Variants in LANCL1 observed in about 807,000 individuals in gnomAD.
The protein encoded by LANCL1 is glutathione S-transferase LANCL1.
Under a neutral mutation model 50.6 loss-of-function variants are expected in LANCL1, and 50 were observed. The observed-to-expected ratio is 0.99, with a 90% confidence interval of 0.79 to 1.25. The LOEUF (loss-of-function observed/expected upper bound fraction) is 1.25. Ranked by LOEUF, LANCL1 falls within the 50% of genes most tolerant of loss-of-function variation. LANCL1 has a pLI of 0.00. For synonymous variants in LANCL1, 188 were observed against 178.6 expected, an observed-to-expected ratio of 1.05 and a Z score of -0.42; for missense variants, 532 against 480.7, an observed-to-expected ratio of 1.11 and a Z score of -1.00.
intron 5 of LANCL1, 57 bp downstream of exon 5, chr2:210,441,251 C>G: frequency 6.5e-7 from 1 of 1,538,336 alleles, no homozygotes; most frequent in Non-Finnish European, 8.9e-7. Flanking sequence ...ATAGTTTAGG[C>G]AGATAGTAAG....
At chr2:210,453,882 C>T (rs1194836926) in intron 4 of LANCL1, among the ~76,000 whole-genome samples, 8 of 151,996 alleles carry the variant, frequency 5.3e-5, no homozygotes, top group East Asian at 1.9e-4. Flanking sequence ...TCATTTTGGT[C>T]GAGCTTGGTG....
At chr2:210,477,091 C>T (rs1270659149), upstream of LANCL1, among the ~76,000 whole-genome samples, 11 of 144,732 alleles carry the variant, frequency 7.6e-5, no homozygotes, top group Non-Finnish European at 1.5e-4. Flanking sequence ...TAAAATTTGG[C>T]GGGGGGTGGG....
upstream of LANCL1, chr2:210,476,856 T>G (rs1694400371): frequency 2.0e-6 from 2 of 978,072 alleles, no homozygotes; most frequent in African/African-American, 1.8e-5. Context: ...GGCGTGTAAT[T>G]TCTAAAGGAT....
At chr2:210,471,042 ATTTTTTT>A (rs35572251) in intron 3 of LANCL1, among the ~76,000 whole-genome samples, 3 of 96,286 alleles carry the variant, frequency 3.1e-5, no homozygotes, top group Non-Finnish European at 4.1e-5. Flanking sequence ...TTCTTCTTTG[ATTTTTTT>A]TTTTTTTTTT....
chr2:210,451,457 G>A (rs1204822422), intron 4 of LANCL1, among the ~76,000 whole-genome samples: 2 of 152,046 alleles, frequency 1.3e-5, no homozygotes, highest in East Asian at 1.9e-4. Flanking sequence ...ATGTACCCCG[G>A]AACTCAAAGT....
At chr2:210,475,894 C>T (rs1417979035) in intron 2 of LANCL1, among the ~76,000 whole-genome samples, 2 of 152,092 alleles carry the variant, frequency 1.3e-5, no homozygotes, top group East Asian at 1.9e-4. Flanking sequence ...AGTTTAAAGA[C>T]GTCCTTACCA....
At chr2:210,464,972 CAAA>C (rs751226712) in intron 3 of LANCL1, among the ~76,000 whole-genome samples, 3 of 31,870 alleles carry the variant, frequency 9.4e-5, no homozygotes, top group Non-Finnish European at 1.3e-4. Context: ...GACTCCGTCT[CAAA>C]AAAAAAAAAA....
rs1692779382 is a variant in LANCL1, at chr2:210,432,485, T to A, written c.*2002A>T. On this transcript the variant is annotated 3_prime_UTR_variant, in exon 10 of 10. Coordinates refer to ENST00000450366, the MANE Select transcript of LANCL1 (RefSeq NM_006055.3). Reference sequence around the variant, plus strand: ...CCAATAATGGAACACTAGGCATAAATGGGTTAACAAGAATCTTATTTGAAA... The same window carrying A: ...CCAATAATGGAACACTAGGCATAAAAGGGTTAACAAGAATCTTATTTGAAA... 1 of 152,152 alleles carries A rather than the reference T, an allele frequency of 6.6e-6. No homozygotes were observed. Among genetic ancestry groups the A allele is most frequent in the Non-Finnish European group, 1.5e-5 (1 of 68,034 alleles). 9.4% of individuals were successfully genotyped at this position (152,152 alleles called of 1,614,324 possible).
chr2:210,455,231 T>C lies in LANCL1; in HGVS notation c.283A>G (p.Ser95Gly). The C allele has an allele frequency of 4.3e-6, 7 of 1,613,608 alleles. No homozygotes were observed. The highest frequency in any genetic ancestry group is 5.9e-6 in the Non-Finnish European group (7 of 1,179,768). The change falls in exon 4 of 10, where the codon AGT becomes GGT. Residue 95 changes from serine (S) to glycine (G), a missense_variant. Coordinates refer to ENST00000450366, the MANE Select transcript of LANCL1 (RefSeq NM_006055.3). ...LQLAHGYVKQ[S>G]LNCLTKRSIT... The stretch of plus-strand genomic sequence containing the variant: ...GAGCGCTTGGTTAAGCAGTTCAGAC[T>C]TTGCTTTACATAGCCATGTGCTAAC...
intron 4 of LANCL1, among the ~76,000 whole-genome samples, chr2:210,453,938 A>G (rs1693584236): frequency 6.6e-6 from 1 of 152,108 alleles, no homozygotes; most frequent in African/African-American, 2.4e-5. Context: ...TGGAATGTTC[A>G]GTTTTTTTCC....
In LANCL1 at chr2:210,475,600, C is replaced by G. The variant is rs1339854520; in HGVS notation, c.81+716G>C. On this transcript the variant is annotated intron_variant, in intron 2 of 9. Transcript: ENST00000450366. ...CTCCTGCCTTGATTTCCCAAAGTGT[C>G]GGGATTAATGGTGTGAGCCACTGCA... Among the ~76,000 whole-genome samples the G allele has an allele frequency of 7.9e-5, 12 of 152,200 alleles. No homozygotes were observed. The East Asian group carries it at 2.3e-3, about 29-fold the overall frequency.
rs1043487260 is a variant in LANCL1, at chr2:210,435,435, C to T, written c.1075G>A (p.Gly359Arg). 2 of 1,613,582 alleles carry T rather than the reference C, an allele frequency of 1.2e-6. No homozygotes were observed. Among genetic ancestry groups the T allele is most frequent in the Non-Finnish European group, 1.7e-6 (2 of 1,179,652 alleles). The change falls in exon 9 of 10, where the codon GGA becomes AGA. Residue 359 changes from glycine (G) to arginine (R), a missense_variant. Transcript: ENST00000450366. The part of the protein sequence containing the change: ...CKFAEWCLEY[G>R]EHGCRTPDTP... ...TCTGGTGTTCTGCATCCATGTTCTC[C>T]ATACTCTAAGCACCATTCAGCAAAC...
intron 3 of LANCL1, 22 bp downstream of exon 3, chr2:210,471,937 G>C (rs1275037797): frequency 1.1e-5 from 17 of 1,509,964 alleles, no homozygotes; most frequent in Non-Finnish European, 1.5e-5. Flanking sequence ...GCTTATGCCA[G>C]CTCACAGTCA....
intron 3 of LANCL1, among the ~76,000 whole-genome samples, chr2:210,456,160 A>AGCCTGCCT (rs1693668233): frequency 6.6e-6 from 1 of 152,126 alleles, no homozygotes; most frequent in Non-Finnish European, 1.5e-5. Flanking sequence ...TGGAGTAGGA[A>AGCCTGCCT]GCCTGCCTGC....
intron 4 of LANCL1, among the ~76,000 whole-genome samples, chr2:210,449,400 T>C (rs1401872786): frequency 6.6e-6 from 1 of 152,220 alleles, no homozygotes; most frequent in Non-Finnish European, 1.5e-5. Flanking sequence ...AATATCATAC[T>C]GAATGGGCAA....
rs772317302 is a variant in LANCL1 at position 210,436,316 on chromosome 2, T to C, written c.950A>G (p.Lys317Arg). 1 of 1,614,096 alleles carries C rather than the reference T, an allele frequency of 6.2e-7. No homozygotes were observed. Among genetic ancestry groups the C allele is most frequent in the South Asian group, 1.1e-5 (1 of 91,078 alleles). ...DVIWQYGLLK[K>R]GYGLCHGSAG... ...AGAACCGTGGCACAGCCCATATCCC[T>C]TCTTCAGCAACCCATATTGCCAGAT... The change falls in exon 8 of 10, where the codon AAG (lysine) becomes AGG (arginine). Residue 317 changes from lysine to arginine, a missense_variant. By Grantham distance (26) the Lys-to-Arg change is conservative (BLOSUM62 2). Transcript: ENST00000450366.
At chr2:210,439,578 A>G (rs889855486) in intron 6 of LANCL1, among the ~76,000 whole-genome samples, 4 of 152,234 alleles carry the variant, frequency 2.6e-5, no homozygotes, top group Admixed American at 1.3e-4. Context: ...TCTAAATGTC[A>G]ACATCCTAAT....
Position 210,471,995 on chromosome 2 carries a change from C to CTCTCCATT in LANCL1, c.162_163insAATGGAGA (p.Asp55AsnfsTer36). The CTCTCCATT allele has an allele frequency of 6.2e-7, 1 of 1,614,142 alleles. No individual in the cohort carries two copies. Among genetic ancestry groups the CTCTCCATT allele is most frequent in the Admixed American group, 1.7e-5 (1 of 60,026 alleles). ...GTGTAACCGGTGCCATCCCGAGGGTCTGCTGATTTCAGGCCTCTCTCCATT... is the reference window on the plus strand; with the variant it reads ...GTGTAACCGGTGCCATCCCGAGGGTCTCTCCATTTGCTGATTTCAGGCCTCTCTCCATT... On this transcript the variant is annotated frameshift_variant, in exon 3 of 10. Coordinates refer to ENST00000450366, the MANE Select transcript of LANCL1 (RefSeq NM_006055.3). LOFTEE classifies it high-confidence loss of function.
intron 3 of LANCL1, chr2:210,460,574 T>C (rs961019398): frequency 6.6e-6 from 1 of 152,242 alleles, no homozygotes; most frequent in African/African-American, 2.4e-5. Context: ...TCCTTTGTAA[T>C]TGTTTCTCAA....
Sources: allele counts gnomAD v4.1 joint callset (sites outside exome capture counted in the v4.1 genomes callset), GRCh38; gene constraint gnomAD v4.1.1; transcripts MANE v1.5; gene names NCBI Gene and HGNC (gene_info 2026-07-23, HGNC 2026-07-21).